Variants in TFDP2 observed in about 807,000 individuals in gnomAD.
TFDP2 encodes the protein transcription factor Dp-2.
In TFDP2, 17 loss-of-function variants were observed where a neutral mutation model predicts 59.3. The observed-to-expected ratio is 0.29, with a 90% CI of 0.20 to 0.43. The LOEUF is 0.43. TFDP2 is among the 20% of genes least tolerant of loss of function. The probability of loss-of-function intolerance (pLI) is 1.00; values close to 1 mark genes in which losing one functional copy is unlikely to be tolerated. For missense variants in TFDP2, 391 were observed against 528.8 expected (o/e 0.74, Z 2.56); for synonymous variants, 180 against 194.7 (o/e 0.92, Z 0.63).
intron 3 of TFDP2, among the ~76,000 whole-genome samples, chr3:142,087,846 T>C (rs1007430238): frequency 6.6e-6 from 1 of 152,188 alleles, no homozygotes; most frequent in African/African-American, 2.4e-5. Context: ...GCAGTCTAAT[T>C]AGCATTACAG....
chr3:142,011,603 A>AAAAAAAAAAAAAAAAAG (rs1944703283), intron 3 of TFDP2, among the ~76,000 whole-genome samples: 1 of 125,918 alleles, frequency 7.9e-6, no homozygotes, highest in African/African-American at 4.1e-5. Context: ...AAAAAAAAAG[A>AAAAAAAAAAAAAAAAAG]AAAAAAAAAA....
At chr3:141,956,989 T>C (rs1001526285) in intron 11 of TFDP2, among the ~76,000 whole-genome samples, 1 of 133,734 alleles carries the variant, frequency 7.5e-6, no homozygotes, top group Non-Finnish European at 1.5e-5. Flanking sequence ...TCTGTGAGGA[T>C]GGCTATAATT....
intron 5 of TFDP2, 111 bp from the exon 6 acceptor site, chr3:141,993,696 C>A: frequency 1.9e-6 from 1 of 529,272 alleles, no homozygotes; most frequent in Non-Finnish European, 3.3e-6. Flanking sequence ...TATTCAAAGA[C>A]TAAAACTAGC....
intron 3 of TFDP2, among the ~76,000 whole-genome samples, chr3:142,076,914 T>TTAA (rs2060477617): frequency 6.6e-6 from 1 of 152,152 alleles, no homozygotes; most frequent in Non-Finnish European, 1.5e-5. Flanking sequence ...ATACCTGGTT[T>TTAA]TAACTTCATA....
At chr3:142,141,972 C>A (rs1412236909) in intron 1 of TFDP2, among the ~76,000 whole-genome samples, 6 of 152,162 alleles carry the variant, frequency 3.9e-5, no homozygotes, top group Admixed American at 1.3e-4. Flanking sequence ...CCATATATGA[C>A]AGACCCACAG....
At chr3:142,063,460 C>T (rs999872841) in intron 3 of TFDP2, among the ~76,000 whole-genome samples, 2 of 152,138 alleles carry the variant, frequency 1.3e-5, no homozygotes, top group Admixed American at 1.3e-4. Flanking sequence ...TTAGTAATTG[C>T]AAAACTACAG....
chr3:142,119,064 G>C (rs1045047832), intron 1 of TFDP2, among the ~76,000 whole-genome samples: 3 of 152,160 alleles, frequency 2.0e-5, no homozygotes, highest in Non-Finnish European at 4.4e-5. Context: ...GGGTGGCTGA[G>C]GCATGAGAAC....
rs1491095959 is a variant in TFDP2 at position 141,977,127 on chromosome 3, TTC to T, written c.519+1391_519+1392del. On this transcript the variant is annotated intron_variant, in intron 7 of 12. Transcript: ENST00000489671. ...ATATATTTTTTTTTTTTTTTTTTTT[TTC>T]CCCCCAAAGAGACGAAGTCTTGCTT... Among the ~76,000 whole-genome samples the T allele has an allele frequency of 1.7e-3, 209 of 126,392 alleles. 2 individuals are homozygous for T. The highest frequency in any genetic ancestry group is 6.5e-3 in the African/African-American group (188 of 28,722). 82.9% of individuals were successfully genotyped at this position (126,392 alleles called of 152,430 possible).
intron 1 of TFDP2, among the ~76,000 whole-genome samples, chr3:142,126,992 A>G (rs1283075834): frequency 6.7e-6 from 1 of 150,354 alleles, no homozygotes; most frequent in East Asian, 1.9e-4. Flanking sequence ...TAAAAAGATA[A>G]AAAAGGATAA....
At chr3:142,035,773 C>T (rs974916213) in intron 3 of TFDP2, among the ~76,000 whole-genome samples, 8 of 152,136 alleles carry the variant, frequency 5.3e-5, no homozygotes, top group South Asian at 2.1e-4. Context: ...CCTGCACAAG[C>T]GCTCCTCTCT....
chr3:142,131,898 C>T (rs1445078858), intron 1 of TFDP2, among the ~76,000 whole-genome samples: 9 of 145,974 alleles, frequency 6.2e-5, no homozygotes, highest in South Asian at 2.1e-4. Flanking sequence ...CCCAGCTACT[C>T]GGGAGGCTGA....
At chr3:142,010,384 G>T (rs1157301416) in intron 3 of TFDP2, among the ~76,000 whole-genome samples, 1 of 152,166 alleles carries the variant, frequency 6.6e-6, no homozygotes, top group African/African-American at 2.4e-5. Flanking sequence ...GCCAAGGTGG[G>T]TGGATCACGA....
chr3:141,953,749 A>C lies in TFDP2; in HGVS notation c.1052-733T>G, dbSNP rs1287497604. 8.6e-5 allele frequency among the ~76,000 whole-genome samples: 13 copies of C among 150,456 alleles called. No individual in the cohort carries two copies. In the East Asian group the frequency reaches 2.0e-3, roughly 23 times the overall value. ...TGCACCGATTAACTCGTCATTTAGC[A>C]TTAGGTATATCTCCTAATGCTATCC... On this transcript the variant is annotated intron_variant, in intron 11 of 12. Transcript: ENST00000489671.
At chr3:141,955,477 CTGGAGAGCG>C (rs919383691) in intron 11 of TFDP2, among the ~76,000 whole-genome samples, 34 of 152,162 alleles carry the variant, frequency 2.2e-4, no homozygotes, top group African/African-American at 7.7e-4. Flanking sequence ...AGGACCCAGG[CTGGAGAGCG>C]TGGAGAGAGG....
chr3:142,104,604 T>C (rs1184675367), intron 1 of TFDP2, among the ~76,000 whole-genome samples: 3 of 152,166 alleles, frequency 2.0e-5, no homozygotes, highest in Admixed American at 1.3e-4. Context: ...TATTTAGCTA[T>C]ATTATTAAAC....
At chr3:142,137,730 G>A (rs1031085927) in intron 1 of TFDP2, among the ~76,000 whole-genome samples, 32 of 152,084 alleles carry the variant, frequency 2.1e-4, no homozygotes, top group Admixed American at 6.5e-5. Context: ...GGATGAAGCC[G>A]ACTTGACTGT....
intron 11 of TFDP2, among the ~76,000 whole-genome samples, chr3:141,956,339 G>C (rs1234082523): frequency 1.3e-5 from 2 of 152,142 alleles, no homozygotes; most frequent in Non-Finnish European, 2.9e-5. Context: ...ATCACCTGAG[G>C]TCAGGAGTTC....
rs997551016 is a variant in TFDP2, at chr3:142,149,280, A to C, written c.-190T>G. 12 of 396,224 alleles carry C rather than the reference A, an allele frequency of 3.0e-5. No individual in the cohort carries two copies. Among genetic ancestry groups the C allele is most frequent in the Admixed American group, 4.4e-5 (1 of 22,644 alleles). 24.5% of individuals were successfully genotyped at this position (396,224 alleles called of 1,614,324 possible). ...CGCCGCTTCTGTGGCGCCCGCGCTT[A>C]GGCGGCGGCCGGGTCCCGGTGGACT... On this transcript the variant is annotated 5_prime_UTR_variant, in exon 1 of 13. Coordinates refer to ENST00000489671, the MANE Select transcript of TFDP2 (RefSeq NM_001178139.2).
At chr3:142,119,813 G>C (rs943514974) in intron 1 of TFDP2, among the ~76,000 whole-genome samples, 1 of 152,338 alleles carries the variant, frequency 6.6e-6, no homozygotes, top group South Asian at 2.1e-4. Context: ...CATTTTGGGA[G>C]GCCAAGGCAG....
Sources: gnomAD v4.1 joint callset for allele counts (sites outside exome capture counted in the v4.1 genomes callset) on GRCh38, gnomAD v4.1.1 for gene constraint, MANE v1.5 for transcripts, NCBI Gene and HGNC (gene_info 2026-07-23, HGNC 2026-07-21) for gene names.